Variants in CSMD1 observed in about 807,000 individuals in gnomAD.
The protein encoded by CSMD1 is CUB and sushi domain-containing protein 1.
CSMD1 carries 213 observed loss-of-function variants against 417.5 expected under a neutral mutation model. The ratio of observed to expected loss-of-function variants is 0.51; its 90% CI spans 0.46 to 0.57. The LOEUF is 0.57. CSMD1 is among the 20% of genes least tolerant of loss of function. CSMD1 has a pLI of 0.00. For synonymous variants in CSMD1, 2,862 were observed against 1,736.8 expected, an observed-to-expected ratio of 1.65 and a Z score of -16.11; for missense variants, 6,923 against 4,529.7, an observed-to-expected ratio of 1.53 and a Z score of -15.17.
intron 3 of CSMD1, among the ~76,000 whole-genome samples, chr8:4,180,428 G>T (rs1400974302): frequency 7.7e-6 from 1 of 130,198 alleles, no homozygotes; most frequent in Non-Finnish European, 1.6e-5. Context: ...GGACTGCTGT[G>T]GGGTGGGGGG....
intron 11 of CSMD1, among the ~76,000 whole-genome samples, chr8:3,473,270 C>G (rs991486490): frequency 1.3e-5 from 2 of 152,074 alleles, no homozygotes; most frequent in East Asian, 3.9e-4. Context: ...ACACAAAGTT[C>G]TTCAATCAAA....
chr8:4,893,314 T>C (rs1353458494), intron 1 of CSMD1, among the ~76,000 whole-genome samples: 1 of 152,130 alleles, frequency 6.6e-6, no homozygotes, highest in Non-Finnish European at 1.5e-5. Flanking sequence ...TTCTGTAGAG[T>C]AATCCATTAT....
intron 1 of CSMD1, among the ~76,000 whole-genome samples, chr8:4,803,498 G>A (rs1449173958): frequency 1.3e-5 from 2 of 152,104 alleles, no homozygotes; most frequent in African/African-American, 2.4e-5. Flanking sequence ...GTTGGAATCT[G>A]CCCGACATTC....
intron 1 of CSMD1, among the ~76,000 whole-genome samples, chr8:4,958,173 A>T (rs1809246703): frequency 6.6e-6 from 1 of 152,168 alleles, no homozygotes; most frequent in Admixed American, 6.5e-5. Flanking sequence ...TGTTTCGATC[A>T]ATTTGTGTTT....
chr8:3,348,959 A>G (rs1439666823), intron 21 of CSMD1, among the ~76,000 whole-genome samples: 1 of 152,204 alleles, frequency 6.6e-6, no homozygotes, highest in Non-Finnish European at 1.5e-5. Context: ...CAATACGATC[A>G]CAGAAAAATA....
At position 4,212,181 on chromosome 8, in the gene CSMD1, T is replaced by C. The variant is rs754910064; in HGVS notation, c.416-180082A>G. ...ACTCTGTCACTTCCCTATTTATATA[T>C]ATATATATATATATTATTTTCTCTC... On this transcript the variant is annotated intron_variant, in intron 3 of 69. Transcript: ENST00000635120. Among the ~76,000 whole-genome samples the C allele has an allele frequency of 8.3e-4, 124 of 148,538 alleles. 1 individual carries two copies. Among genetic ancestry groups the C allele is most frequent in the Non-Finnish European group, 1.5e-3 (98 of 67,510 alleles).
chr8:4,188,688 T>TA (rs372843655), intron 3 of CSMD1, among the ~76,000 whole-genome samples: 1 of 152,002 alleles, frequency 6.6e-6, no homozygotes, highest in South Asian at 2.1e-4. Flanking sequence ...TTAACCTTTA[T>TA]AAAAAAGAGG....
chr8:3,304,800 G>C (rs925305360), intron 25 of CSMD1, among the ~76,000 whole-genome samples: 3 of 151,434 alleles, frequency 2.0e-5, no homozygotes, highest in Non-Finnish European at 4.4e-5. Context: ...TCCATGACTT[G>C]GTTTGCATTT....
intron 1 of CSMD1, among the ~76,000 whole-genome samples, chr8:4,912,681 T>C (rs1467278991): frequency 6.6e-6 from 1 of 152,238 alleles, no homozygotes; most frequent in Non-Finnish European, 1.5e-5. Flanking sequence ...AGCACTTTCA[T>C]TTATTTCTGT....
At chr8:3,634,290 G>T (rs781568851) in intron 7 of CSMD1, among the ~76,000 whole-genome samples, 1 of 152,190 alleles carries the variant, frequency 6.6e-6, no homozygotes, top group African/African-American at 2.4e-5. Flanking sequence ...CACCCCTCTG[G>T]TAGGACTGAA....
At chr8:4,722,968 G>A (rs1809160708) in intron 1 of CSMD1, among the ~76,000 whole-genome samples, 1 of 152,088 alleles carries the variant, frequency 6.6e-6, no homozygotes, top group South Asian at 2.1e-4. Flanking sequence ...AGCTTAGAGT[G>A]CTAAGGTATC....
At chr8:3,464,847 C>G (rs1816709031) in intron 12 of CSMD1, among the ~76,000 whole-genome samples, 1 of 152,068 alleles carries the variant, frequency 6.6e-6, no homozygotes, top group African/African-American at 2.4e-5. Context: ...TTAAACAAAG[C>G]TTACCTCTCT....
At chr8:4,942,219 C>G (rs900508320) in intron 1 of CSMD1, among the ~76,000 whole-genome samples, 2 of 152,134 alleles carry the variant, frequency 1.3e-5, no homozygotes, top group African/African-American at 4.8e-5. Flanking sequence ...CACATATAAA[C>G]CAGGCTTCAC....
Position 4,563,331 on chromosome 8 carries a change from A to G in CSMD1, c.302+74011T>C, listed in dbSNP as rs1172023057. Among the ~76,000 whole-genome samples the G allele has an allele frequency of 5.9e-5, 9 of 152,248 alleles. No individual in the cohort carries two copies. In the East Asian group the frequency reaches 1.7e-3, roughly 29 times the overall value. On this transcript the variant is annotated intron_variant, in intron 2 of 69. Coordinates refer to ENST00000635120, the MANE Select transcript of CSMD1 (RefSeq NM_033225.6). ...CAGGAGAATGGCGTGAACCCAGGAGATAGAGCTTTCAGTGAGCTCAGATCG... is the reference window on the plus strand; with the variant it reads ...CAGGAGAATGGCGTGAACCCAGGAGGTAGAGCTTTCAGTGAGCTCAGATCG...
At chr8:4,966,895 A>G (rs184660049) in intron 1 of CSMD1, among the ~76,000 whole-genome samples, 1 of 152,306 alleles carries the variant, frequency 6.6e-6, no homozygotes, top group Non-Finnish European at 1.5e-5. Flanking sequence ...ACGGTTAAAA[A>G]TATCAACTAA....
chr8:3,071,230 T>A lies in CSMD1; in HGVS notation c.7474+15867A>T, dbSNP rs61531240. ...CATGAGATTTGGCCAGGGACAAATA[T>A]CCAAAATATATTAGTATGTATATAA... On this transcript the variant is annotated intron_variant, in intron 49 of 69. Coordinates refer to ENST00000635120, the MANE Select transcript of CSMD1 (RefSeq NM_033225.6). Among the ~76,000 whole-genome samples, 937 of 152,262 alleles carry A rather than the reference T, an allele frequency of 6.2e-3. 15 individuals are homozygous for A. Among genetic ancestry groups the A allele is most frequent in the African/African-American group, 0.021 (880 of 41,544 alleles).
chr8:3,678,159 C>T (rs541037367), intron 7 of CSMD1, among the ~76,000 whole-genome samples: 1 of 152,284 alleles, frequency 6.6e-6, no homozygotes, highest in Non-Finnish European at 1.5e-5. Context: ...TGCAGCTCCT[C>T]ACCAGCAACA....
At chr8:4,204,474 C>G (rs1448834532) in intron 3 of CSMD1, among the ~76,000 whole-genome samples, 1 of 152,130 alleles carries the variant, frequency 6.6e-6, no homozygotes, top group East Asian at 1.9e-4. Flanking sequence ...TTTGTCAGCA[C>G]TTTCTAGATT....
At chr8:4,178,293 T>G in intron 3 of CSMD1, among the ~76,000 whole-genome samples, 1 of 151,792 alleles carries the variant, frequency 6.6e-6, no homozygotes, top group African/African-American at 2.4e-5. Context: ...AATCAATAAA[T>G]GTAATCCAGC....
Sources: gnomAD v4.1 joint callset for allele counts (sites outside exome capture counted in the v4.1 genomes callset) on GRCh38, gnomAD v4.1.1 for gene constraint, MANE v1.5 for transcripts, NCBI Gene and HGNC (gene_info 2026-07-23, HGNC 2026-07-21) for gene names.